The following SGK3 variants were observed in gnomAD, a reference collection of about 807,000 sequenced individuals.
SGK3 encodes the protein serine/threonine-protein kinase Sgk3.
A neutral mutation model predicts 68.5 loss-of-function variants in SGK3; 47 were observed. The ratio of observed to expected loss-of-function variants is 0.69; its 90% CI spans 0.54 to 0.87. The LOEUF (loss-of-function observed/expected upper bound fraction) is 0.87. Ranked by LOEUF, SGK3 falls within the 40% of genes least tolerant of loss-of-function variation. The probability of loss-of-function intolerance (pLI) is 0.00; values close to 1 mark genes in which losing one functional copy is unlikely to be tolerated. For missense variants in SGK3, 479 were observed against 575.5 expected (o/e 0.83, Z 1.72); for synonymous variants, 181 against 189.1 (o/e 0.96, Z 0.35).
chr8:66,794,600 G>A (rs772025545), intron 2 of SGK3, among the ~76,000 whole-genome samples: 3 of 151,856 alleles, frequency 2.0e-5, no homozygotes, highest in Non-Finnish European at 2.9e-5. Context: ...TTAATACTTA[G>A]TCTATCTAAT....
chr8:66,750,013 A>G (rs181930413), intron 1 of SGK3, among the ~76,000 whole-genome samples: 1 of 151,362 alleles, frequency 6.6e-6, no homozygotes, highest in Non-Finnish European at 1.5e-5. Flanking sequence ...TTACCTTCAG[A>G]TTTCTTGGGT....
intron 1 of SGK3, among the ~76,000 whole-genome samples, chr8:66,713,449 G>C (rs1016841149): frequency 6.6e-6 from 1 of 152,194 alleles, no homozygotes; most frequent in Non-Finnish European, 1.5e-5. Context: ...AACTTAAAAC[G>C]CTTTCATTGA....
chr8:66,748,111 G>A (rs1242449330), intron 1 of SGK3, among the ~76,000 whole-genome samples: 2 of 152,160 alleles, frequency 1.3e-5, no homozygotes, highest in South Asian at 4.1e-4. Context: ...TCTTGTTATT[G>A]AGGTATGTGA....
chr8:66,855,837 A>C (rs2130759696), intron 16 of SGK3, among the ~76,000 whole-genome samples: 1 of 152,340 alleles, frequency 6.6e-6, no homozygotes, highest in African/African-American at 2.4e-5. Flanking sequence ...ACAGTTAGCT[A>C]TTCTAGGGTT....
intron 1 of SGK3, among the ~76,000 whole-genome samples, chr8:66,746,791 C>A (rs916311771): frequency 6.6e-6 from 1 of 151,884 alleles, no homozygotes; most frequent in Admixed American, 6.6e-5. Context: ...GAACTCCTGG[C>A]CTCAAGTGAT....
At chr8:66,840,301 ATGCTTAGTGC>A in intron 12 of SGK3, 54 bp downstream of exon 12, 1 of 1,477,678 alleles carries the variant, frequency 6.8e-7, no homozygotes, top group Non-Finnish European at 9.1e-7. Context: ...TGTTGCTTTT[ATGCTTAGTGC>A]AAAAAAAGTC....
At chr8:66,767,738 C>A in intron 1 of SGK3, 1 of 1,553,080 alleles carries the variant, frequency 6.4e-7, no homozygotes, top group Non-Finnish European at 8.9e-7. Flanking sequence ...ATCTTTTTGG[C>A]AGAAAAGCTT....
intron 5 of SGK3, among the ~76,000 whole-genome samples, chr8:66,817,345 C>T (rs1041723636): frequency 2.0e-5 from 3 of 151,528 alleles, no homozygotes; most frequent in Admixed American, 6.6e-5. Context: ...GTAGGAGAAT[C>T]GCCTGAACCT....
chr8:66,842,629 T>G (rs1228084459), intron 13 of SGK3, among the ~76,000 whole-genome samples: 6 of 152,198 alleles, frequency 3.9e-5, no homozygotes, highest in Non-Finnish European at 1.5e-5. Flanking sequence ...CAGTCTAAAT[T>G]TCCTACAAAT....
At chr8:66,849,892 TAAAA>T (rs778549647) in intron 15 of SGK3, among the ~76,000 whole-genome samples, 8 of 152,128 alleles carry the variant, frequency 5.3e-5, no homozygotes, top group Non-Finnish European at 8.8e-5. Context: ...GGTGGTGGTT[TAAAA>T]AACATTTCTC....
At position 66,712,792 on chromosome 8, in the gene SGK3, G is replaced by C. The variant is rs1304204645; in HGVS notation, c.-163G>C. Reference sequence around the variant, plus strand: ...GGGAAGGAGGAAGCGCAGTGCGTTCGGCTCCGCGCCCGCCGCGCCGGGAGC... The same window carrying C: ...GGGAAGGAGGAAGCGCAGTGCGTTCCGCTCCGCGCCCGCCGCGCCGGGAGC... On this transcript the variant is annotated 5_prime_UTR_variant, in exon 1 of 17. Transcript: ENST00000521198. The C allele has an allele frequency of 2.0e-5, 3 of 151,442 alleles. No homozygotes were observed. Among genetic ancestry groups the C allele is most frequent in the South Asian group, 4.1e-4 (2 of 4,826 alleles). 9.4% of individuals were successfully genotyped at this position (151,442 alleles called of 1,614,324 possible).
At chr8:66,766,500 G>A (rs1450611324) in intron 1 of SGK3, among the ~76,000 whole-genome samples, 1 of 152,116 alleles carries the variant, frequency 6.6e-6, no homozygotes, top group African/African-American at 2.4e-5. Flanking sequence ...TTCAGCCTGG[G>A]CGACAGAGCA....
chr8:66,758,309 G>A lies in SGK3; in HGVS notation c.-121-35307G>A, dbSNP rs187242365. Among the ~76,000 whole-genome samples, 23 of 151,906 alleles carry A rather than the reference G, an allele frequency of 1.5e-4. No homozygotes were observed. The East Asian group carries it at 1.8e-3, about 12-fold the overall frequency. On this transcript the variant is annotated intron_variant, in intron 1 of 16. Transcript: ENST00000521198. ...GCGGAGGTTGCAGTGAGCCGAGATC[G>A]CGCCATTGCACTGCAGCCTGGGCAA...
In SGK3 at chr8:66,822,250, T is replaced by G. The variant is rs952691046; in HGVS notation, c.330-122T>G. The stretch of plus-strand genomic sequence containing the variant: ...TTTATAATAATGAATATTAATGGAT[T>G]CTGTTTTACTTTCTTACTGTAAATA... On this transcript the variant is annotated intron_variant, in intron 5 of 16. Transcript: ENST00000521198. The G allele has an allele frequency of 2.0e-5, 16 of 807,840 alleles. No individual in the cohort carries two copies. The South Asian group carries it at 4.9e-4, about 25-fold the overall frequency. 50.0% of individuals were successfully genotyped at this position (807,840 alleles called of 1,614,324 possible).
intron 8 of SGK3, among the ~76,000 whole-genome samples, chr8:66,833,194 C>T (rs1023634557): frequency 2.6e-5 from 4 of 151,972 alleles, no homozygotes; most frequent in Non-Finnish European, 4.4e-5. Context: ...TTAGTGGGGA[C>T]GGGGTTTTAC....
intron 5 of SGK3, among the ~76,000 whole-genome samples, chr8:66,821,678 A>ATTTTTTTT (rs59399048): frequency 6.4e-5 from 7 of 108,542 alleles, no homozygotes; most frequent in Non-Finnish European, 1.1e-4. Flanking sequence ...ACGCCCGGCT[A>ATTTTTTTT]TTTTTTTTTT....
chr8:66,790,965 A>G (rs949406955), intron 1 of SGK3: 2 of 152,224 alleles, frequency 1.3e-5, no homozygotes, highest in Non-Finnish European at 2.9e-5. Context: ...AGTTAACTGC[A>G]TCAGTTACAT....
intron 4 of SGK3, among the ~76,000 whole-genome samples, chr8:66,812,233 C>T (rs1808406755): frequency 6.6e-6 from 1 of 152,086 alleles, no homozygotes; most frequent in Non-Finnish European, 1.5e-5. Flanking sequence ...GACAGTTTCT[C>T]AAATCAAATG....
intron 1 of SGK3, among the ~76,000 whole-genome samples, chr8:66,776,319 C>T (rs1012221313): frequency 1.3e-5 from 2 of 152,178 alleles, no homozygotes; most frequent in Admixed American, 6.5e-5. Context: ...GTGAATGTAG[C>T]CTCATTTTAA....
Sources: gnomAD v4.1 joint callset for allele counts (sites outside exome capture counted in the v4.1 genomes callset) on GRCh38, gnomAD v4.1.1 for gene constraint, MANE v1.5 for transcripts, NCBI Gene and HGNC (gene_info 2026-07-23, HGNC 2026-07-21) for gene names.